The following TMEM132C variants were observed in gnomAD, a reference collection of about 807,000 sequenced individuals.
TMEM132C encodes protein phosphatase 1, regulatory subunit 152.
A neutral mutation model predicts 61.4 loss-of-function variants in TMEM132C; 29 were observed. The ratio of observed to expected loss-of-function variants is 0.47; its 90% CI spans 0.35 to 0.64. The LOEUF is 0.64. Among genes scored for constraint, TMEM132C ranks in the 30% least tolerant of loss-of-function variants. The pLI is 0.00. For missense variants in TMEM132C, 1,408 were observed against 1,476.9 expected, an observed-to-expected ratio of 0.95 and a Z score of 0.76; for synonymous variants, 656 against 633.1, an observed-to-expected ratio of 1.04 and a Z score of -0.54.
chr12:128,558,719 G>A (rs1874411048), intron 3 of TMEM132C, among the ~76,000 whole-genome samples: 3 of 152,226 alleles, frequency 2.0e-5, no homozygotes, highest in Admixed American at 2.0e-4. Context: ...TTCAGTGGCT[G>A]GTTGGCTCTG....
chr12:128,470,534 G>A (rs1870914237), intron 2 of TMEM132C, among the ~76,000 whole-genome samples: 1 of 152,180 alleles, frequency 6.6e-6, no homozygotes, highest in Non-Finnish European at 1.5e-5. Flanking sequence ...ACAGGCCAGT[G>A]GAGGAGAGGA....
chr12:128,633,419 A>G (rs1844324), intron 4 of TMEM132C, among the ~76,000 whole-genome samples: 4,970 of 152,264 alleles, frequency 0.033, 253 homozygotes, highest in African/African-American at 0.11. Context: ...TTTTTTGCTC[A>G]CAGTCCCTCA....
At chr12:128,412,819 A>G (rs1185494667) in intron 1 of TMEM132C, among the ~76,000 whole-genome samples, 1 of 152,176 alleles carries the variant, frequency 6.6e-6, no homozygotes, top group Non-Finnish European at 1.5e-5. Context: ...TAGTATACTC[A>G]GCCTTCTGCA....
intron 1 of TMEM132C, among the ~76,000 whole-genome samples, chr12:128,374,482 G>T (rs1024099003): frequency 2.0e-5 from 3 of 152,196 alleles, no homozygotes; most frequent in African/African-American, 7.2e-5. Context: ...GGTGTGGGAA[G>T]GAGAGCCAGC....
chr12:128,526,676 A>G (rs2136131900), intron 2 of TMEM132C, among the ~76,000 whole-genome samples: 1 of 152,324 alleles, frequency 6.6e-6, no homozygotes. Context: ...TAAAAGATAG[A>G]GAAGATAAGG....
At chr12:128,466,604 T>C (rs1870745412) in intron 2 of TMEM132C, among the ~76,000 whole-genome samples, 1 of 152,162 alleles carries the variant, frequency 6.6e-6, no homozygotes, top group Admixed American at 6.5e-5. Context: ...CAATCCCAGC[T>C]CACTGCAGCC....
intron 1 of TMEM132C, among the ~76,000 whole-genome samples, chr12:128,336,631 G>A (rs190653240): frequency 1.2e-3 from 183 of 152,288 alleles, no homozygotes; most frequent in African/African-American, 4.2e-3. Context: ...AATGAACTAA[G>A]CCAATAGTGA....
chr12:128,340,046 A>C (rs973323435), intron 1 of TMEM132C, among the ~76,000 whole-genome samples: 1 of 152,236 alleles, frequency 6.6e-6, no homozygotes, highest in African/African-American at 2.4e-5. Flanking sequence ...GGGGGCTTCT[A>C]TGTCCCTTCC....
At chr12:128,277,061 C>T (rs1448189578) in intron 1 of TMEM132C, among the ~76,000 whole-genome samples, 1 of 152,138 alleles carries the variant, frequency 6.6e-6, no homozygotes, top group Non-Finnish European at 1.5e-5. Context: ...CCACTGGAAA[C>T]AATGAGGTTG....
At chr12:128,464,768 G>GA (rs2136073882) in intron 2 of TMEM132C, among the ~76,000 whole-genome samples, 1 of 143,318 alleles carries the variant, frequency 7.0e-6, no homozygotes, top group Admixed American at 7.1e-5. Flanking sequence ...CTGTCAGAAA[G>GA]AAAGAAAGAA....
chr12:128,417,287 T>C (rs1265317926), intron 2 of TMEM132C, among the ~76,000 whole-genome samples: 2 of 152,134 alleles, frequency 1.3e-5, no homozygotes, highest in Non-Finnish European at 2.9e-5. Context: ...TTTAGAGTGA[T>C]CATCTTCCCC....
intron 1 of TMEM132C, among the ~76,000 whole-genome samples, chr12:128,303,202 G>A (rs1432755744): frequency 6.6e-6 from 1 of 152,158 alleles, no homozygotes; most frequent in Non-Finnish European, 1.5e-5. Context: ...TTGTGTTGAA[G>A]CAAATGGAAA....
chr12:128,560,189 G>GT (rs1320484922), intron 3 of TMEM132C, among the ~76,000 whole-genome samples: 3 of 152,246 alleles, frequency 2.0e-5, no homozygotes, highest in Non-Finnish European at 4.4e-5. Context: ...AGAAGCTGCA[G>GT]TAAGCCCTGA....
chr12:128,313,405 C>G lies in TMEM132C; in HGVS notation c.85+45918C>G, dbSNP rs190683108. Among the ~76,000 whole-genome samples, 28 of 152,334 alleles carry G rather than the reference C, an allele frequency of 1.8e-4. No homozygotes were observed. The East Asian group carries it at 4.6e-3, about 25-fold the overall frequency. The stretch of plus-strand genomic sequence containing the variant: ...TTCATTCAAGGAATTCCTACCCAGT[C>G]TGCCATCCTACACGCCACCACCCTG... On this transcript the variant is annotated intron_variant, in intron 1 of 8. Transcript: ENST00000435159.
intron 1 of TMEM132C, among the ~76,000 whole-genome samples, chr12:128,355,764 C>A (rs1014770451): frequency 1.3e-5 from 2 of 152,056 alleles, no homozygotes; most frequent in Non-Finnish European, 2.9e-5. Context: ...CTTTGCACAT[C>A]CCTGTCCTTG....
intron 1 of TMEM132C, among the ~76,000 whole-genome samples, chr12:128,393,944 G>A (rs566532366): frequency 2.6e-5 from 4 of 152,244 alleles, no homozygotes; most frequent in East Asian, 1.9e-4. Context: ...AAGTGCATGC[G>A]AGGCTGAGAT....
chr12:128,576,184 G>C (rs560368187), intron 3 of TMEM132C, among the ~76,000 whole-genome samples: 15 of 151,970 alleles, frequency 9.9e-5, no homozygotes, highest in Admixed American at 9.8e-4. Context: ...GAACCAGAAG[G>C]GGGAGTTTGC....
At chr12:128,462,194 C>T (rs1870554839) in intron 2 of TMEM132C, among the ~76,000 whole-genome samples, 1 of 152,176 alleles carries the variant, frequency 6.6e-6, no homozygotes, top group South Asian at 2.1e-4. Flanking sequence ...CAACCTCCAC[C>T]TCCTGGGTTC....
intron 2 of TMEM132C, among the ~76,000 whole-genome samples, chr12:128,428,306 C>T (rs139111105): frequency 6.6e-6 from 1 of 152,146 alleles, no homozygotes; most frequent in African/African-American, 2.4e-5. Flanking sequence ...GTTCCTGGGA[C>T]TCAGTCTCCC....
Sources: allele counts gnomAD v4.1 joint callset (sites outside exome capture counted in the v4.1 genomes callset), GRCh38; gene constraint gnomAD v4.1.1; transcripts MANE v1.5; gene names NCBI Gene and HGNC (gene_info 2026-07-23, HGNC 2026-07-21).